ANKRD26: variants seen among roughly 807,000 people sequenced by gnomAD.
The protein encoded by ANKRD26 is ankyrin repeat domain 26, also known as ankyrin repeat domain-containing protein 26.
ANKRD26 carries 141 observed loss-of-function variants against 208.7 expected under a neutral mutation model. The observed-to-expected ratio is 0.68, with a 90% CI of 0.59 to 0.78. The LOEUF (loss-of-function observed/expected upper bound fraction) is 0.78. Ranked by LOEUF, ANKRD26 falls within the 30% of genes least tolerant of loss-of-function variation. The pLI, the probability that ANKRD26 is intolerant of heterozygous loss-of-function variation, is 0.00. For synonymous variants in ANKRD26, 636 were observed against 660.4 expected, an observed-to-expected ratio of 0.96 and a Z score of 0.57; for missense variants, 1,889 against 1,938.7, an observed-to-expected ratio of 0.97 and a Z score of 0.48.
At chr10:27,006,453 A>T (rs2052884496) in intron 33 of ANKRD26, among the ~76,000 whole-genome samples, 1 of 152,230 alleles carries the variant, frequency 6.6e-6, no homozygotes, top group Non-Finnish European at 1.5e-5. Flanking sequence ...GACAAAGTAA[A>T]TGACTGGAGA....
intron 12 of ANKRD26, chr10:27,062,000 A>T (rs2055075453): frequency 3.0e-6 from 3 of 985,192 alleles, no homozygotes; most frequent in Non-Finnish European, 3.6e-6. Context: ...TTTGAGTGTA[A>T]ATGCAATGAA....
chr10:26,960,331 C>A, the ANKRD26 span, among the ~76,000 whole-genome samples: 2 of 152,310 alleles, frequency 1.3e-5, no homozygotes, highest in South Asian at 4.1e-4. Context: ...CATTAGCTTA[C>A]CCTGCCGAAG....
intron 1 of ANKRD26, among the ~76,000 whole-genome samples, chr10:27,094,026 C>A (rs1005230924): frequency 2.0e-5 from 3 of 152,178 alleles, no homozygotes; most frequent in African/African-American, 7.2e-5. Flanking sequence ...GAGGATGGTT[C>A]CCCCGTGCTG....
intron 12 of ANKRD26, 29 bp from the exon 13 acceptor site, chr10:27,061,271 A>G: frequency 7.0e-7 from 1 of 1,425,508 alleles, no homozygotes; most frequent in Non-Finnish European, 9.8e-7. Context: ...TAAGCTTTCA[A>G]TATTGTAATA....
intron 17 of ANKRD26, among the ~76,000 whole-genome samples, chr10:27,047,751 T>C (rs1217143976): frequency 1.3e-5 from 2 of 150,436 alleles, no homozygotes; most frequent in East Asian, 3.9e-4. Flanking sequence ...TTATTATTAT[T>C]ATTATTATTG....
chr10:27,088,282 A>C (rs957239553), intron 4 of ANKRD26: 1 of 152,136 alleles, frequency 6.6e-6, no homozygotes, highest in Admixed American at 6.6e-5. Context: ...TTTGACTCAC[A>C]CTGTTAGCAA....
rs2052797348 is a variant in ANKRD26 at position 27,004,335 on chromosome 10, A to G, written c.*1255T>C. ...AAAGAAAAACAAATTTTTAATAACA[A>G]TATTAATGAATTATAACTCACTGAA... On this transcript the variant is annotated 3_prime_UTR_variant, in exon 34 of 34. Transcript: ENST00000376087. 1.3e-5 allele frequency: 2 copies of G among 151,408 alleles called. No homozygotes were observed. Among genetic ancestry groups the G allele is most frequent in the Admixed American group, 6.6e-5 (1 of 15,104 alleles). 9.4% of individuals were successfully genotyped at this position (151,408 alleles called of 1,614,324 possible). A position where few individuals can be genotyped will look rare whatever the true frequency, so the allele number is the denominator to read the frequency against.
chr10:27,022,543 C>G lies in ANKRD26; in HGVS notation c.4215+15G>C, dbSNP rs1411677687. The G allele has an allele frequency of 2.0e-6, 3 of 1,491,652 alleles. No individual in the cohort carries two copies. Among genetic ancestry groups the G allele is most frequent in the Non-Finnish European group, 2.8e-6 (3 of 1,081,850 alleles). 92.4% of individuals were successfully genotyped at this position (1,491,652 alleles called of 1,614,324 possible). Reference sequence around the variant, plus strand: ...TTAAGTGACTTTTTTGGTCCCAAAACTTATTAAAAATTACCTTATGTTTTA... The same window carrying G: ...TTAAGTGACTTTTTTGGTCCCAAAAGTTATTAAAAATTACCTTATGTTTTA... On this transcript the variant is annotated intron_variant, in intron 29 of 33. Transcript: ENST00000376087.
At chr10:26,961,992 GA>G in the ANKRD26 span, among the ~76,000 whole-genome samples, 35 of 152,318 alleles carry the variant, frequency 2.3e-4, no homozygotes, top group South Asian at 8.3e-4. Context: ...TTCTGAGGGG[GA>G]AAGTGGGAAG....
intron 21 of ANKRD26, 41 bp downstream of exon 21, chr10:27,039,924 T>C (rs1359238371): frequency 1.9e-6 from 3 of 1,561,748 alleles, no homozygotes; most frequent in African/African-American, 2.7e-5. Flanking sequence ...ATATCTTTAG[T>C]ACAAATAGTT....
At chr10:27,069,351 T>C (rs566636489) in intron 9 of ANKRD26, among the ~76,000 whole-genome samples, 43 of 152,252 alleles carry the variant, frequency 2.8e-4, no homozygotes, top group African/African-American at 4.8e-4. Flanking sequence ...CTAGGTGTTA[T>C]TTACTAGGAT....
intron 1 of ANKRD26, among the ~76,000 whole-genome samples, chr10:27,098,601 T>G (rs1329360126): frequency 3.3e-5 from 5 of 149,828 alleles, no homozygotes; most frequent in Non-Finnish European, 7.4e-5. Context: ...CAGGCTGGAG[T>G]GCAGTGGCGT....
At chr10:27,013,140 G>A (rs1471394973) in intron 31 of ANKRD26, 30 bp from the exon 32 acceptor site, 2 of 1,587,106 alleles carry the variant, frequency 1.3e-6, no homozygotes, top group Non-Finnish European at 8.6e-7. Context: ...CACATGCTTA[G>A]TATTTTACTT....
chr10:26,992,408 A>C (rs974751586), intron 5 of ANKRD26, among the ~76,000 whole-genome samples: 5 of 151,528 alleles, frequency 3.3e-5, no homozygotes, highest in African/African-American at 9.7e-5. Flanking sequence ...CTTATTCCTA[A>C]GGTCATGTTT....
At chr10:26,951,763 A>G in the ANKRD26 span, among the ~76,000 whole-genome samples, 1 of 152,128 alleles carries the variant, frequency 6.6e-6, no homozygotes, top group Non-Finnish European at 1.5e-5. Flanking sequence ...AATATTAATT[A>G]TAATACTGAC....
intron 6 of ANKRD26, among the ~76,000 whole-genome samples, chr10:27,081,498 T>A (rs1170024815): frequency 4.6e-5 from 7 of 152,120 alleles, no homozygotes; most frequent in African/African-American, 7.2e-5. Context: ...TCCAAATAAA[T>A]CCCCTTAATC....
At chr10:26,957,565 A>G in the ANKRD26 span, among the ~76,000 whole-genome samples, 1 of 152,176 alleles carries the variant, frequency 6.6e-6, no homozygotes, top group African/African-American at 2.4e-5. Flanking sequence ...AAATAAAGCA[A>G]GATGTTGAAA....
At chr10:27,051,393 CT>C (rs2054654808) in intron 16 of ANKRD26, 1 of 1,200,050 alleles carries the variant, frequency 8.3e-7, no homozygotes, top group Non-Finnish European at 1.1e-6. Flanking sequence ...ATCAAAAGGT[CT>C]TTTTGGATCA....
chr10:26,973,649 C>CTTTTTTTT (rs71386903), downstream of ANKRD26, among the ~76,000 whole-genome samples: 458 of 88,404 alleles, frequency 5.2e-3, 2 homozygotes, highest in East Asian at 7.0e-3. Context: ...TTTATTTGTC[C>CTTTTTTTT]TTTTTTTTTT....
Sources: allele counts gnomAD v4.1 joint callset (sites outside exome capture counted in the v4.1 genomes callset), GRCh38; gene constraint gnomAD v4.1.1; transcripts MANE v1.5; gene names NCBI Gene and HGNC (gene_info 2026-07-23, HGNC 2026-07-21).